Variants in CRACR2A observed in about 807,000 individuals in gnomAD.
The protein encoded by CRACR2A is EF-hand calcium-binding domain-containing protein 4B.
CRACR2A carries 79 observed loss-of-function variants against 90.5 expected under a neutral mutation model. That is an observed-to-expected ratio of 0.87 (90% confidence interval 0.73 to 1.05). The LOEUF (loss-of-function observed/expected upper bound fraction) is 1.05, where lower values mean the gene tolerates loss of function less well. Among genes scored for constraint, CRACR2A ranks in the 50% least tolerant of loss-of-function variants. CRACR2A has a pLI of 0.00. For synonymous variants in CRACR2A, 338 were observed against 356.7 expected (o/e 0.95, Z 0.59); for missense variants, 823 against 897.2 (o/e 0.92, Z 1.06).
At chr12:3,659,716 G>A (rs1273039701) in intron 7 of CRACR2A, 62 bp from the exon 8 acceptor site, 2 of 1,374,130 alleles carry the variant, frequency 1.5e-6, no homozygotes, top group African/African-American at 2.8e-5. Flanking sequence ...GGTAGCTCCT[G>A]GAGCTCAGAC....
rs866215535 is a variant in CRACR2A, at chr12:3,636,106, C to A, written c.1602+2018G>T. Among the ~76,000 whole-genome samples the A allele has an allele frequency of 2.4e-4, 36 of 152,188 alleles. No homozygotes were observed. In the Middle Eastern group the frequency reaches 0.01, roughly 43 times the overall value. On this transcript the variant is annotated intron_variant, in intron 14 of 19. Transcript: ENST00000440314. Reference sequence around the variant, plus strand: ...TGTTTGCTATTATAAATAACTCTTGCATTCTTGAGTTAAATCTTTGTCTGA... The same window carrying A: ...TGTTTGCTATTATAAATAACTCTTGAATTCTTGAGTTAAATCTTTGTCTGA...
chr12:3,735,166 G>GTA (rs1042738223), intron 1 of CRACR2A, among the ~76,000 whole-genome samples: 10 of 152,146 alleles, frequency 6.6e-5, no homozygotes, highest in Admixed American at 2.0e-4. Context: ...TCATCAGGTT[G>GTA]TACACCTTAA....
chr12:3,644,090 G>T (rs962304829), intron 12 of CRACR2A, among the ~76,000 whole-genome samples: 9 of 146,094 alleles, frequency 6.2e-5, no homozygotes, highest in African/African-American at 2.0e-4. Context: ...TATATATAGA[G>T]AGAGAGACAT....
At chr12:3,735,282 C>A (rs1198624784) in intron 1 of CRACR2A, among the ~76,000 whole-genome samples, 1 of 152,118 alleles carries the variant, frequency 6.6e-6, no homozygotes, top group Non-Finnish European at 1.5e-5. Context: ...GAGGTGAGTG[C>A]AGGGAGGCAA....
chr12:3,723,726 A>G (rs1419620686), intron 2 of CRACR2A, among the ~76,000 whole-genome samples: 2 of 152,092 alleles, frequency 1.3e-5, no homozygotes, highest in Non-Finnish European at 2.9e-5. Flanking sequence ...AGGCAGGAGG[A>G]TGCCTGGAAT....
intron 3 of CRACR2A, among the ~76,000 whole-genome samples, chr12:3,700,377 T>C (rs1324879863): frequency 6.6e-6 from 1 of 152,198 alleles, no homozygotes; most frequent in Non-Finnish European, 1.5e-5. Context: ...TCTTATTATC[T>C]AAAGAGTTTT....
At chr12:3,728,661 A>T (rs1946309978) in intron 2 of CRACR2A, 1 of 152,246 alleles carries the variant, frequency 6.6e-6, no homozygotes, top group Non-Finnish European at 1.5e-5. Flanking sequence ...AAGAATGCTA[A>T]CTCTCAGGAT....
chr12:3,745,780 A>AAAAAT lies in CRACR2A; in HGVS notation c.-387+7230_-387+7234dup, dbSNP rs941357128. Among the ~76,000 whole-genome samples the AAAAAT allele has an allele frequency of 8.4e-5, 9 of 106,778 alleles. No homozygotes were observed. The East Asian group carries it at 1.1e-3, about 13-fold the overall frequency. 70.1% of individuals were successfully genotyped at this position (106,778 alleles called of 152,430 possible). ...GCAACAAGAACAAAACTTCGTCTCA[A>AAAAAT]AAAATAAAATAAAATAAAATAAAAT... is the stretch of plus-strand genomic sequence containing the variant. On this transcript the variant is annotated intron_variant, in intron 1 of 19. Coordinates refer to ENST00000440314, the MANE Select transcript of CRACR2A (RefSeq NM_001144958.2).
At chr12:3,640,473 G>A in intron 13 of CRACR2A, 2 of 1,163,500 alleles carry the variant, frequency 1.7e-6, no homozygotes, top group Non-Finnish European at 2.2e-6. Context: ...GAACTCAAAA[G>A]AATGTCTGGT....
rs755918542 is a variant in CRACR2A at position 3,648,624 on chromosome 12, G to C, written c.1047-11C>G. The stretch of plus-strand genomic sequence containing the variant: ...ACACGGTACACTTCCCTGAGGAGGA[G>C]GCAAACACATGGCAGTGAGCTCCCA... On this transcript the variant is annotated splice_polypyrimidine_tract_variant and intron_variant, in intron 10 of 19. Coordinates refer to ENST00000440314, the MANE Select transcript of CRACR2A (RefSeq NM_001144958.2). 1 of 1,609,294 alleles carries C rather than the reference G, an allele frequency of 6.2e-7. No individual in the cohort carries two copies. The highest frequency in any genetic ancestry group is 8.5e-7 in the Non-Finnish European group (1 of 1,176,376).
chr12:3,676,385 C>T (rs1436490714), intron 6 of CRACR2A, among the ~76,000 whole-genome samples: 2 of 152,168 alleles, frequency 1.3e-5, no homozygotes, highest in African/African-American at 2.4e-5. Flanking sequence ...ACCATGGTGA[C>T]CTCCCATCCC....
At chr12:3,719,636 T>C (rs1946127780) in intron 2 of CRACR2A, among the ~76,000 whole-genome samples, 1 of 152,220 alleles carries the variant, frequency 6.6e-6, no homozygotes, top group South Asian at 2.1e-4. Flanking sequence ...TGAAATTCCC[T>C]CTGAGATATT....
intron 13 of CRACR2A, among the ~76,000 whole-genome samples, chr12:3,641,094 C>A (rs1367109889): frequency 2.0e-5 from 3 of 152,172 alleles, no homozygotes; most frequent in Non-Finnish European, 2.9e-5. Context: ...ACCTGTAATC[C>A]TAGCACTTTG....
At chr12:3,704,167 T>C (rs1945879122) in intron 3 of CRACR2A, among the ~76,000 whole-genome samples, 1 of 152,208 alleles carries the variant, frequency 6.6e-6, no homozygotes, top group African/African-American at 2.4e-5. Flanking sequence ...GACCCAAATG[T>C]TCGTTGACAG....
At chr12:3,733,837 C>A (rs1396517742) in intron 1 of CRACR2A, among the ~76,000 whole-genome samples, 1 of 150,356 alleles carries the variant, frequency 6.7e-6, no homozygotes, top group Non-Finnish European at 1.5e-5. Flanking sequence ...GAATCCAATC[C>A]CACTATCCTA....
chr12:3,676,086 C>T (rs558251115), intron 6 of CRACR2A, among the ~76,000 whole-genome samples: 19 of 129,612 alleles, frequency 1.5e-4, no homozygotes, highest in African/African-American at 4.3e-4. Context: ...CAAACATCCG[C>T]GTACTTATTT....
At chr12:3,725,931 G>A (rs1004232202) in intron 2 of CRACR2A, 9 of 151,810 alleles carry the variant, frequency 5.9e-5, no homozygotes, top group African/African-American at 2.2e-4. Flanking sequence ...TTCTGACTGA[G>A]TCATGAATCA....
At position 3,680,221 on chromosome 12, in the gene CRACR2A, C is replaced by G. The variant is rs374419119; in HGVS notation, c.340+17G>C. 4 of 1,602,348 alleles carry G rather than the reference C, an allele frequency of 2.5e-6. No homozygotes were observed. In the African/African-American group the frequency reaches 5.4e-5, roughly 21 times the overall value. ...AGACCCATAACCCTGAGGTCCCCAG[C>G]ACCCATCAGAACTTACTAAATCCAG... On this transcript the variant is annotated intron_variant, in intron 5 of 19. Coordinates refer to ENST00000440314, the MANE Select transcript of CRACR2A (RefSeq NM_001144958.2).
intron 3 of CRACR2A, among the ~76,000 whole-genome samples, chr12:3,702,957 A>G (rs1300618762): frequency 6.6e-6 from 1 of 152,272 alleles, no homozygotes; most frequent in Non-Finnish European, 1.5e-5. Flanking sequence ...ATGGAACAGA[A>G]TATAGAACAG....
Sources: gnomAD v4.1 joint callset for allele counts (sites outside exome capture counted in the v4.1 genomes callset) on GRCh38, gnomAD v4.1.1 for gene constraint, MANE v1.5 for transcripts, NCBI Gene and HGNC (gene_info 2026-07-23, HGNC 2026-07-21) for gene names.